The following TAS1R1 variants were observed in gnomAD, a reference collection of about 807,000 sequenced individuals.
The protein encoded by TAS1R1 is taste 1 receptor member 1, also known as taste receptor type 1 member 1.
TAS1R1 carries 31 observed loss-of-function variants against 45.8 expected under a neutral mutation model. The observed-to-expected ratio is 0.68, with a 90% CI of 0.51 to 0.91. The LOEUF is 0.91. TAS1R1 is among the 40% of genes least tolerant of loss of function. The pLI is 0.00. For missense variants in TAS1R1, 1,051 were observed against 1,063.9 expected (o/e 0.99, Z 0.17); for synonymous variants, 437 against 448.4 (o/e 0.97, Z 0.32).
chr1:6,555,941 A>C (rs1179563495), intron 1 of TAS1R1, among the ~76,000 whole-genome samples: 1 of 133,724 alleles, frequency 7.5e-6, no homozygotes, highest in East Asian at 2.4e-4. Context: ...GCGCGATCTC[A>C]GCTCACTGCA....
At chr1:6,572,430 T>C (rs1640043138) in intron 2 of TAS1R1, among the ~76,000 whole-genome samples, 1 of 152,150 alleles carries the variant, frequency 6.6e-6, no homozygotes, top group Non-Finnish European at 1.5e-5. Context: ...TGGCTAATTT[T>C]TGTATTTTTT....
Position 6,570,980 on chromosome 1 carries a change from A to G in TAS1R1, c.263A>G (p.Asn88Ser). Reference protein sequence around the residue: ...AMRLGVEEINNSTALLPNITL... With the variant: ...AMRLGVEEINSSTALLPNITL... ...CGGCTTGGGGTTGAGGAGATAAACA[A>G]CTCCACGGCCCTGCTGCCCAACATC... The change falls in exon 2 of 6, where the codon AAC (asparagine) becomes AGC (serine). Residue 88 changes from asparagine to serine, a missense_variant. By Grantham distance (46) the Asn-to-Ser change is conservative. Coordinates refer to ENST00000333172, the MANE Select transcript of TAS1R1 (RefSeq NM_138697.4). 1 of 1,613,526 alleles carries G rather than the reference A, an allele frequency of 6.2e-7. No individual in the cohort carries two copies. Among genetic ancestry groups the G allele is most frequent in the Non-Finnish European group, 8.5e-7 (1 of 1,179,842 alleles).
chr1:6,566,303 T>G (rs1639870958), intron 1 of TAS1R1, among the ~76,000 whole-genome samples: 1 of 151,916 alleles, frequency 6.6e-6, no homozygotes. Flanking sequence ...TGTAGGGAAA[T>G]AGTAAAGAAG....
Position 6,577,003 on chromosome 1 carries a change from T to C in TAS1R1, c.1527T>C (p.Val509=). ...GTCTTGAAGGGCACCAGCGAGTGGT[T>C]ACGGGTTTCCATCACTGCTGCTTTG... ...SDCLEGHQRV[V]TGFHHCCFEC... is the part of the protein sequence containing the mutation. The change falls in exon 5 of 6, where the codon GTT becomes GTC. Residue 509 remains valine (V), a synonymous_variant. Coordinates refer to ENST00000333172, the MANE Select transcript of TAS1R1 (RefSeq NM_138697.4). 1 of 1,614,266 alleles carries C rather than the reference T, an allele frequency of 6.2e-7. No homozygotes were observed. Among genetic ancestry groups the C allele is most frequent in the Non-Finnish European group, 8.5e-7 (1 of 1,180,042 alleles).
chr1:6,555,608 C>A, intron 1 of TAS1R1, 44 bp downstream of exon 1: 1 of 1,511,364 alleles, frequency 6.6e-7, no homozygotes, highest in Non-Finnish European at 8.9e-7. Flanking sequence ...GGACCCCTGG[C>A]TATAGGGCCC....
Position 6,575,404 on chromosome 1 carries a change from C to G in TAS1R1, c.1260+12C>G. 1 of 1,535,054 alleles carries G rather than the reference C, an allele frequency of 6.5e-7. No individual in the cohort carries two copies. Among genetic ancestry groups the G allele is most frequent in the Non-Finnish European group, 8.7e-7 (1 of 1,144,604 alleles). ...TCTACCCCTGGCAGGTAAGAGAGCC[C>G]ACCCCAGCACCTCCTGTCAGGGAGA... is the stretch of plus-strand genomic sequence containing the variant. On this transcript the variant is annotated intron_variant, in intron 3 of 5. Coordinates refer to ENST00000333172, the MANE Select transcript of TAS1R1 (RefSeq NM_138697.4).
chr1:6,556,636 A>C (rs542059337), intron 1 of TAS1R1, among the ~76,000 whole-genome samples: 2 of 150,080 alleles, frequency 1.3e-5, no homozygotes, highest in Non-Finnish European at 3.0e-5. Flanking sequence ...TCCCGACCTC[A>C]GGTGATCCGC....
chr1:6,563,275 G>GT (rs1228206545), intron 1 of TAS1R1, among the ~76,000 whole-genome samples: 1 of 152,222 alleles, frequency 6.6e-6, no homozygotes, highest in Non-Finnish European at 1.5e-5. Flanking sequence ...TGATGGGACA[G>GT]TAGGTGACCT....
In TAS1R1 at chr1:6,571,885, C is replaced by G. The variant is rs144728220; in HGVS notation, c.498+670C>G. ...CCCCATAGACTGCTCCACATCATCC[C>G]AGTCTCTCCTGCCTGCCTTTCCTTC... is the stretch of plus-strand genomic sequence containing the variant. On this transcript the variant is annotated intron_variant, in intron 2 of 5. Coordinates refer to ENST00000333172, the MANE Select transcript of TAS1R1 (RefSeq NM_138697.4). Among the ~76,000 whole-genome samples, 101 of 152,290 alleles carry G rather than the reference C, an allele frequency of 6.6e-4. 1 individual carries two copies. The highest frequency in any genetic ancestry group is 2.2e-3 in the African/African-American group (91 of 41,566).
At chr1:6,562,176 T>G (rs1415166185) in intron 1 of TAS1R1, among the ~76,000 whole-genome samples, 1 of 152,174 alleles carries the variant, frequency 6.6e-6, no homozygotes, top group African/African-American at 2.4e-5. Flanking sequence ...AGGGTTTTTT[T>G]GTTTGTTTTT....
At position 6,579,094 on chromosome 1, in the gene TAS1R1, C is replaced by T; in HGVS notation, c.2036C>T (p.Ala679Val). 6.2e-7 allele frequency: 1 copy of T among 1,614,210 alleles called. No individual in the cohort carries two copies. Among genetic ancestry groups the T allele is most frequent in the South Asian group, 1.1e-5 (1 of 91,078 alleles). Residue 679 changes from alanine (A) to valine (V), a missense_variant, in exon 6 of 6, where the codon GCT becomes GTT. Ala to Val is a moderately conservative substitution (Grantham distance 64, BLOSUM62 0). Coordinates refer to ENST00000333172, the MANE Select transcript of TAS1R1 (RefSeq NM_138697.4). ...CACGCCTGGGTCCAAAACCACGGTG[C>T]TGGCCTGTTTGTGATGATCAGCTCA... ...FYHAWVQNHGAGLFVMISSAA... is the reference protein window; with the variant it reads ...FYHAWVQNHGVGLFVMISSAA...
intron 1 of TAS1R1, among the ~76,000 whole-genome samples, chr1:6,564,616 T>C (rs921318297): frequency 2.0e-5 from 3 of 152,016 alleles, no homozygotes; most frequent in African/African-American, 7.2e-5. Context: ...CAGTATGGGA[T>C]ATGGAGGCGC....
chr1:6,573,819 T>C (rs997154294), intron 2 of TAS1R1, among the ~76,000 whole-genome samples: 2 of 151,836 alleles, frequency 1.3e-5, no homozygotes, highest in African/African-American at 4.8e-5. Context: ...CGCGCCACCA[T>C]GCCCGGCTAA....
At position 6,576,644 on chromosome 1, in the gene TAS1R1, T is replaced by TA. The variant is rs752656396; in HGVS notation, c.1473+18dup. 1.9e-6 allele frequency: 3 copies of TA among 1,610,070 alleles called. No individual in the cohort carries two copies. Among genetic ancestry groups the TA allele is most frequent in the Non-Finnish European group, 2.5e-6 (3 of 1,177,522 alleles). On this transcript the variant is annotated intron_variant, in intron 4 of 5. Transcript: ENST00000333172. ...GACAACCAGGTAATGGGGATGTGGC[T>TA]ACTCACCATGTAACTGGCTTATGGG...
chr1:6,569,181 C>T (rs1156825546), intron 1 of TAS1R1, among the ~76,000 whole-genome samples: 1 of 151,762 alleles, frequency 6.6e-6, no homozygotes, highest in Non-Finnish European at 1.5e-5. Flanking sequence ...TAATGGAGGA[C>T]CATGATGGTG....
At position 6,571,209 on chromosome 1, in the gene TAS1R1, G is replaced by A. The variant is rs544861976; in HGVS notation, c.492G>A (p.Val164=). ...CCGCCCTGCTGAGCCCTTTCCTGGT[G>A]CCCATGGTAAGCTGGAGCCTCAGAC... is the stretch of plus-strand genomic sequence containing the variant. ...TTAALLSPFL[V]PMISYAASSE... is the part of the protein sequence containing the mutation. Residue 164 remains valine (V), a synonymous_variant, in exon 2 of 6, where the codon GTG becomes GTA. Coordinates refer to ENST00000333172, the MANE Select transcript of TAS1R1 (RefSeq NM_138697.4). The A allele has an allele frequency of 2.0e-5, 31 of 1,561,168 alleles. 2 individuals carry two copies. In the South Asian group the frequency reaches 3.4e-4, roughly 17 times the overall value.
chr1:6,567,007 G>A (rs1639884414), intron 1 of TAS1R1, among the ~76,000 whole-genome samples: 1 of 152,158 alleles, frequency 6.6e-6, no homozygotes, highest in South Asian at 2.1e-4. Flanking sequence ...GAGGGGTCAG[G>A]GACTGGACTG....
At chr1:6,563,898 C>T (rs1283515398) in intron 1 of TAS1R1, among the ~76,000 whole-genome samples, 1 of 152,040 alleles carries the variant, frequency 6.6e-6, no homozygotes, top group Non-Finnish European at 1.5e-5. Flanking sequence ...CAGGAGATGT[C>T]TTGGCAAACG....
Position 6,579,651 on chromosome 1 carries a change from G to A in TAS1R1, c.*67G>A, listed in dbSNP as rs1348766023. 15 of 1,528,552 alleles carry A rather than the reference G, an allele frequency of 9.8e-6. 1 individual carries two copies. In the Middle Eastern group the frequency reaches 2.0e-3, roughly 200 times the overall value. 94.7% of individuals were successfully genotyped at this position (1,528,552 alleles called of 1,614,324 possible). A position where few individuals can be genotyped will look rare whatever the true frequency, so the allele number is the denominator to read the frequency against. ...GAGGGTCGAAGGTCGAGCAGGCCGGGGGTGTCCGGGAGGTCTTTGGGCATC... is the reference window on the plus strand; with the variant it reads ...GAGGGTCGAAGGTCGAGCAGGCCGGAGGTGTCCGGGAGGTCTTTGGGCATC... On this transcript the variant is annotated 3_prime_UTR_variant, in exon 6 of 6. Coordinates refer to ENST00000333172, the MANE Select transcript of TAS1R1 (RefSeq NM_138697.4).
Sources: allele counts gnomAD v4.1 joint callset (sites outside exome capture counted in the v4.1 genomes callset), GRCh38; gene constraint gnomAD v4.1.1; transcripts MANE v1.5; gene names NCBI Gene and HGNC (gene_info 2026-07-23, HGNC 2026-07-21).